RORA: variants seen among roughly 807,000 people sequenced by gnomAD.
RORA encodes nuclear receptor ROR-alpha.
In RORA, 7 loss-of-function variants were observed where a neutral mutation model predicts 69.5. The observed-to-expected ratio is 0.10, with a 90% CI of 0.06 to 0.19. The LOEUF is 0.19. Ranked by LOEUF, RORA falls within the 10% of genes least tolerant of loss-of-function variation. The pLI, the probability that RORA is intolerant of heterozygous loss-of-function variation, is 1.00. For missense variants in RORA, 457 were observed against 663.0 expected (o/e 0.69, Z 3.41); for synonymous variants, 261 against 240.8 (o/e 1.08, Z -0.78).
intron 1 of RORA, among the ~76,000 whole-genome samples, chr15:61,044,816 C>T (rs1191840623): frequency 6.6e-6 from 1 of 152,194 alleles, no homozygotes; most frequent in Non-Finnish European, 1.5e-5. Flanking sequence ...CCTACTGAAT[C>T]ATAATCTGCA....
chr15:61,096,734 G>C (rs926964272), intron 1 of RORA, among the ~76,000 whole-genome samples: 1 of 152,124 alleles, frequency 6.6e-6, no homozygotes, highest in Non-Finnish European at 1.5e-5. Context: ...AGGGAAGGCA[G>C]CTCAGAGTCA....
rs142338208 is a variant in RORA, at chr15:60,614,820, C to A, written c.196+63837G>T. ...AGGTTTAAATGAGATTATACACACGCACATGCAGACAGACACTGACATGCT... is the reference window on the plus strand; with the variant it reads ...AGGTTTAAATGAGATTATACACACGAACATGCAGACAGACACTGACATGCT... On this transcript the variant is annotated intron_variant, in intron 2 of 10. Coordinates refer to ENST00000335670, the MANE Select transcript of RORA (RefSeq NM_134261.3). The A allele has an allele frequency of 1.9e-5, 21 of 1,130,630 alleles. 1 individual carries two copies. In the African/African-American group the frequency reaches 2.3e-4, roughly 12 times the overall value. The allele number at this position is 1,130,630 out of a possible 1,614,324, so 70.0% of individuals were successfully genotyped here.
In RORA at chr15:60,624,471, CATATATATATATATAT is replaced by C. The variant is rs3053858; in HGVS notation, c.196+54170_196+54185del. Among the ~76,000 whole-genome samples, 31 of 73,544 alleles carry C rather than the reference CATATATATATATATAT, an allele frequency of 4.2e-4. 1 individual carries two copies. Among genetic ancestry groups the C allele is most frequent in the Admixed American group, 3.0e-4 (2 of 6,664 alleles). 48.2% of individuals were successfully genotyped at this position (73,544 alleles called of 152,430 possible). ...GGAAGAGGTCCTCTTCCATTTGCTG[CATATATATATATATAT>C]ATATATATATTTGCTGTATGTGTGT... On this transcript the variant is annotated intron_variant, in intron 2 of 10. Coordinates refer to ENST00000335670, the MANE Select transcript of RORA (RefSeq NM_134261.3).
chr15:60,824,021 GAA>G (rs1181487648), intron 1 of RORA, among the ~76,000 whole-genome samples: 1 of 152,168 alleles, frequency 6.6e-6, no homozygotes, highest in Non-Finnish European at 1.5e-5. Flanking sequence ...AGAATTATAA[GAA>G]GGATAACATA....
chr15:61,222,322 G>A (rs1187506591), intron 1 of RORA, among the ~76,000 whole-genome samples: 1 of 152,184 alleles, frequency 6.6e-6, no homozygotes, highest in Admixed American at 6.5e-5. Flanking sequence ...TGATAAGACA[G>A]TCTGTAATAA....
Position 60,757,387 on chromosome 15 carries a change from T to A in RORA, c.167-78701A>T, listed in dbSNP as rs140827468. Among the ~76,000 whole-genome samples the A allele has an allele frequency of 5.8e-3, 882 of 152,288 alleles. 1 individual carries two copies. The highest frequency in any genetic ancestry group is 0.017 in the African/African-American group (715 of 41,556). ...TCAGGAAAACTCCTTCCCAGTCCTG[T>A]CTTCCCCTCAAGCTGCCACCTTACA... On this transcript the variant is annotated intron_variant, in intron 1 of 10. Coordinates refer to ENST00000335670, the MANE Select transcript of RORA (RefSeq NM_134261.3).
At chr15:60,823,310 C>T (rs1338542458) in intron 1 of RORA, among the ~76,000 whole-genome samples, 1 of 152,164 alleles carries the variant, frequency 6.6e-6, no homozygotes, top group Non-Finnish European at 1.5e-5. Flanking sequence ...CTACCTCAGC[C>T]ACCTGAAGTG....
intron 1 of RORA, among the ~76,000 whole-genome samples, chr15:60,928,430 CCAA>C (rs1892278342): frequency 6.6e-6 from 1 of 152,142 alleles, no homozygotes; most frequent in Non-Finnish European, 1.5e-5. Context: ...CTCGTGGAAG[CCAA>C]CAACAAAAGC....
intron 1 of RORA, among the ~76,000 whole-genome samples, chr15:60,836,329 T>G (rs1221720258): frequency 6.6e-6 from 1 of 152,134 alleles, no homozygotes; most frequent in African/African-American, 2.4e-5. Flanking sequence ...TGCTCTGGAT[T>G]TTTTAAAACT....
At chr15:61,066,486 G>A (rs946412347) in intron 1 of RORA, among the ~76,000 whole-genome samples, 5 of 145,550 alleles carry the variant, frequency 3.4e-5, no homozygotes, top group African/African-American at 7.7e-5. Context: ...GAGTGCAATG[G>A]TGCAATCTCA....
intron 2 of RORA, among the ~76,000 whole-genome samples, chr15:60,665,466 G>A (rs542351221): frequency 1.3e-5 from 2 of 152,138 alleles, no homozygotes; most frequent in Non-Finnish European, 2.9e-5. Flanking sequence ...TAGAAAGATA[G>A]GCAAGTATTT....
chr15:60,932,496 A>G (rs1477686775), intron 1 of RORA, among the ~76,000 whole-genome samples: 3 of 152,220 alleles, frequency 2.0e-5, no homozygotes, highest in Non-Finnish European at 4.4e-5. Flanking sequence ...TTTACGTGTT[A>G]CTACCAAGGG....
intron 1 of RORA, among the ~76,000 whole-genome samples, chr15:60,958,775 GTACATT>G (rs1893339234): frequency 6.6e-6 from 1 of 152,218 alleles, no homozygotes; most frequent in Non-Finnish European, 1.5e-5. Context: ...TGTATGGAAA[GTACATT>G]TGGAATGTGT....
rs2065127894 is a variant in RORA at position 60,494,836 on chromosome 15, G to T, written c.*2619C>A. 6.6e-6 allele frequency: 1 copy of T among 152,176 alleles called. No individual in the cohort carries two copies. Among genetic ancestry groups the T allele is most frequent in the African/African-American group, 2.4e-5 (1 of 41,440 alleles). 9.4% of individuals were successfully genotyped at this position (152,176 alleles called of 1,614,324 possible). Reference sequence around the variant, plus strand: ...CTATTACTGTGGTTAGAGCATGATTGTTTGTAGGTACATGCAGAATCCCTT... The same window carrying T: ...CTATTACTGTGGTTAGAGCATGATTTTTTGTAGGTACATGCAGAATCCCTT... On this transcript the variant is annotated 3_prime_UTR_variant, in exon 11 of 11. Transcript: ENST00000335670.
chr15:60,767,557 G>A (rs1406542169), intron 1 of RORA, among the ~76,000 whole-genome samples: 3 of 152,158 alleles, frequency 2.0e-5, no homozygotes, highest in Non-Finnish European at 4.4e-5. Context: ...AGAAAGGCAA[G>A]AAAGTCCCCA....
intron 1 of RORA, 55 bp downstream of exon 1, chr15:61,228,998 C>A (rs894989271): frequency 6.5e-6 from 7 of 1,071,832 alleles, no homozygotes; most frequent in Non-Finnish European, 7.0e-6. Context: ...GGCCGCCCCC[C>A]GCTCCGCGCC....
At chr15:60,798,221 GACACACACAC>G (rs34480684) in intron 1 of RORA, among the ~76,000 whole-genome samples, 13,394 of 145,648 alleles carry the variant, frequency 0.092, 807 homozygotes, top group African/African-American at 0.17. Flanking sequence ...TTCCCCAACA[GACACACACAC>G]ACACACACAC....
chr15:60,499,524 T>A (rs1449855218), intron 10 of RORA, among the ~76,000 whole-genome samples: 1 of 152,214 alleles, frequency 6.6e-6, no homozygotes, highest in African/African-American at 2.4e-5. Flanking sequence ...GGAGACGGAG[T>A]GAGACCCTGT....
intron 1 of RORA, among the ~76,000 whole-genome samples, chr15:60,719,438 C>T (rs1414664379): frequency 6.6e-6 from 1 of 151,926 alleles, no homozygotes; most frequent in East Asian, 1.9e-4. Flanking sequence ...GAAATTTTCA[C>T]AATAAAAGAT....
Sources: allele counts gnomAD v4.1 joint callset (sites outside exome capture counted in the v4.1 genomes callset), GRCh38; gene constraint gnomAD v4.1.1; transcripts MANE v1.5; gene names NCBI Gene and HGNC (gene_info 2026-07-23, HGNC 2026-07-21).